Variants in HDAC9 observed in about 807,000 individuals in gnomAD.
The protein encoded by HDAC9 is histone deacetylase 9, also known as MEF-2 interacting transcription repressor (MITR) protein.
HDAC9 carries 41 observed loss-of-function variants against 139.4 expected under a neutral mutation model. That is an observed-to-expected ratio of 0.29 (90% CI 0.23 to 0.38). The LOEUF (loss-of-function observed/expected upper bound fraction) is 0.38. Ranked by LOEUF, HDAC9 falls within the 10% of genes least tolerant of loss-of-function variation. The pLI, the probability that HDAC9 is intolerant of heterozygous loss-of-function variation, is 1.00. For missense variants in HDAC9, 1,147 were observed against 1,297.0 expected (o/e 0.88, Z 1.78); for synonymous variants, 517 against 476.2 (o/e 1.09, Z -1.12).
chr7:18,915,101 A>G (rs1419887859), intron 22 of HDAC9, among the ~76,000 whole-genome samples: 1 of 152,056 alleles, frequency 6.6e-6, no homozygotes, highest in African/African-American at 2.4e-5. Context: ...GCATTTGTGC[A>G]TGTGTCTGTA....
chr7:18,216,440 A>T (rs1792319653), intron 2 of HDAC9, among the ~76,000 whole-genome samples: 1 of 152,130 alleles, frequency 6.6e-6, no homozygotes, highest in Non-Finnish European at 1.5e-5. Flanking sequence ...GGTGATAGGC[A>T]TCTGTACATC....
At chr7:18,866,840 T>G (rs1798537840) in intron 21 of HDAC9, among the ~76,000 whole-genome samples, 1 of 152,250 alleles carries the variant, frequency 6.6e-6, no homozygotes, top group Admixed American at 6.5e-5. Context: ...GGGTGAGTCA[T>G]GGGAAATTAC....
At chr7:18,652,778 T>C (rs1789728857) in intron 11 of HDAC9, among the ~76,000 whole-genome samples, 1 of 152,184 alleles carries the variant, frequency 6.6e-6, no homozygotes, top group African/African-American at 2.4e-5. Context: ...AGAAAATTCA[T>C]ACTTTGTTTA....
At chr7:18,947,312 A>C (rs923965904) in intron 23 of HDAC9, among the ~76,000 whole-genome samples, 12 of 152,018 alleles carry the variant, frequency 7.9e-5, no homozygotes, top group Non-Finnish European at 1.5e-4. Flanking sequence ...TTAAAGTCAG[A>C]GGTTGATTCT....
At chr7:18,353,528 C>A (rs894568390) in intron 1 of HDAC9, among the ~76,000 whole-genome samples, 1 of 152,168 alleles carries the variant, frequency 6.6e-6, no homozygotes, top group Admixed American at 6.6e-5. Context: ...AATGCCGATT[C>A]TTGCTGCTGA....
chr7:18,729,708 A>G (rs917924820), intron 13 of HDAC9, among the ~76,000 whole-genome samples: 13 of 152,210 alleles, frequency 8.5e-5, no homozygotes, highest in African/African-American at 2.9e-4. Context: ...TCAACATTTT[A>G]GTATTTATCA....
intron 2 of HDAC9, among the ~76,000 whole-genome samples, chr7:18,228,431 A>G (rs549767394): frequency 1.9e-4 from 29 of 152,148 alleles, no homozygotes; most frequent in Non-Finnish European, 3.4e-4. Flanking sequence ...TACCCATTCA[A>G]CAATCTTGAT....
chr7:18,631,582 CT>C (rs554814342), intron 7 of HDAC9, among the ~76,000 whole-genome samples: 5 of 152,038 alleles, frequency 3.3e-5, no homozygotes, highest in African/African-American at 1.2e-4. Context: ...TGTCTTTTCT[CT>C]CTTCCCCATT....
chr7:18,695,145 A>G (rs1782949862), intron 12 of HDAC9, among the ~76,000 whole-genome samples: 1 of 152,212 alleles, frequency 6.6e-6, no homozygotes, highest in Non-Finnish European at 1.5e-5. Context: ...GAGGAGCATC[A>G]GTTTTGCATC....
intron 2 of HDAC9, among the ~76,000 whole-genome samples, chr7:18,189,628 A>G (rs947439760): frequency 6.6e-6 from 1 of 152,146 alleles, no homozygotes; most frequent in Non-Finnish European, 1.5e-5. Flanking sequence ...AAAGACCCAG[A>G]ACACAGGTGC....
At chr7:18,404,076 G>A (rs1480616087) in intron 1 of HDAC9, among the ~76,000 whole-genome samples, 1 of 152,166 alleles carries the variant, frequency 6.6e-6, no homozygotes, top group Admixed American at 6.5e-5. Flanking sequence ...GAAAAGAAAA[G>A]GGGAGTTGAC....
chr7:18,588,932 C>G (rs980352686), intron 3 of HDAC9, among the ~76,000 whole-genome samples: 1 of 152,116 alleles, frequency 6.6e-6, no homozygotes, highest in African/African-American at 2.4e-5. Flanking sequence ...TTTGGATTTT[C>G]AGATTAGGGA....
In HDAC9 at chr7:18,495,771, A is replaced by C. The variant is rs1796779124; in HGVS notation, c.-294A>C. 1 of 994,210 alleles carries C rather than the reference A, an allele frequency of 1.0e-6. No homozygotes were observed. Among genetic ancestry groups the C allele is most frequent in the Non-Finnish European group, 1.2e-6 (1 of 836,090 alleles). The allele number at this position is 994,210 out of a possible 1,614,324, so 61.6% of individuals were successfully genotyped here. ...GGGGAAGAGAGGCACAGACACAGAT[A>C]GGAGAAGGGCACCGGCTGGAGCCAC... On this transcript the variant is annotated 5_prime_UTR_variant, in exon 1 of 26. Coordinates refer to ENST00000686413, the MANE Select transcript of HDAC9 (RefSeq NM_178425.4).
chr7:18,470,629 C>T (rs1156919357), intron 1 of HDAC9, among the ~76,000 whole-genome samples: 1 of 152,092 alleles, frequency 6.6e-6, no homozygotes, highest in Non-Finnish European at 1.5e-5. Flanking sequence ...GCCTCTGCTA[C>T]AAGGATTTCT....
intron 17 of HDAC9, among the ~76,000 whole-genome samples, chr7:18,822,139 C>T (rs1404398298): frequency 6.6e-6 from 1 of 152,160 alleles, no homozygotes; most frequent in African/African-American, 2.4e-5. Context: ...TGATAATCAA[C>T]TCTACCTCCA....
chr7:18,833,778 G>T (rs1044491419), intron 19 of HDAC9, among the ~76,000 whole-genome samples: 2 of 152,100 alleles, frequency 1.3e-5, no homozygotes, highest in East Asian at 3.9e-4. Context: ...TTCAAAAAGG[G>T]AAAAGGATTA....
intron 21 of HDAC9, among the ~76,000 whole-genome samples, chr7:18,869,413 C>A (rs34018423): frequency 6.6e-6 from 1 of 152,030 alleles, no homozygotes; most frequent in South Asian, 2.1e-4. Context: ...CTTCTTCTCT[C>A]TCTTCCTCCT....
chr7:18,715,886 A>G (rs558785635), intron 12 of HDAC9, among the ~76,000 whole-genome samples: 21 of 152,288 alleles, frequency 1.4e-4, no homozygotes, highest in Admixed American at 9.8e-4. Context: ...CTCTCATATA[A>G]TTTTACACAC....
chr7:18,561,017 A>G (rs1024330734), intron 2 of HDAC9, among the ~76,000 whole-genome samples: 1 of 152,180 alleles, frequency 6.6e-6, no homozygotes, highest in African/African-American at 2.4e-5. Flanking sequence ...TACATACTGT[A>G]TCAGTCAGCC....
Sources: allele counts gnomAD v4.1 joint callset (sites outside exome capture counted in the v4.1 genomes callset), GRCh38; gene constraint gnomAD v4.1.1; transcripts MANE v1.5; gene names NCBI Gene and HGNC (gene_info 2026-07-23, HGNC 2026-07-21).